Variants in PRKCA observed in about 807,000 individuals in gnomAD.
PRKCA encodes protein kinase C alpha, also known as protein kinase C alpha type.
In PRKCA, 27 loss-of-function variants were observed where a neutral mutation model predicts 87.0. That is an observed-to-expected ratio of 0.31 (90% CI 0.23 to 0.43). The LOEUF is 0.43. Among genes scored for constraint, PRKCA ranks in the 20% least tolerant of loss-of-function variants. The pLI is 1.00. For missense variants in PRKCA, 518 were observed against 852.3 expected, an observed-to-expected ratio of 0.61 and a Z score of 4.88; for synonymous variants, 329 against 311.1, an observed-to-expected ratio of 1.06 and a Z score of -0.61.
intron 3 of PRKCA, among the ~76,000 whole-genome samples, chr17:66,603,386 C>T (rs9894671): frequency 3.3e-5 from 5 of 152,142 alleles, no homozygotes; most frequent in Admixed American, 2.0e-4. Context: ...AAATAAATCT[C>T]ATTTGTGTTT....
intron 2 of PRKCA, among the ~76,000 whole-genome samples, chr17:66,429,997 CTTCA>C (rs890320847): frequency 3.3e-5 from 5 of 152,044 alleles, no homozygotes; most frequent in African/African-American, 1.2e-4. Flanking sequence ...TCTCTGCACC[CTTCA>C]AGGACTCCTG....
At chr17:66,519,613 C>A (rs11653643) in intron 3 of PRKCA, among the ~76,000 whole-genome samples, 53,542 of 152,006 alleles carry the variant, frequency 0.35, 9,591 homozygotes, top group South Asian at 0.52. Flanking sequence ...GATGATGATA[C>A]AGGATCTTGA....
At chr17:66,564,601 A>G (rs1968828979) in intron 3 of PRKCA, among the ~76,000 whole-genome samples, 1 of 152,180 alleles carries the variant, frequency 6.6e-6, no homozygotes, top group Non-Finnish European at 1.5e-5. Context: ...AACAAAACCC[A>G]TGACTTTGTG....
intron 2 of PRKCA, among the ~76,000 whole-genome samples, chr17:66,400,063 A>G (rs1465347576): frequency 6.6e-6 from 1 of 152,188 alleles, no homozygotes; most frequent in Non-Finnish European, 1.5e-5. Flanking sequence ...CTTCAACATC[A>G]TTCTATTTTT....
intron 2 of PRKCA, among the ~76,000 whole-genome samples, chr17:66,382,840 C>A (rs989781984): frequency 2.6e-5 from 4 of 151,966 alleles, no homozygotes; most frequent in South Asian, 2.1e-4. Context: ...TGGACAGACA[C>A]CCCCCCATTA....
chr17:66,742,008 C>A (rs1487049235), intron 12 of PRKCA, among the ~76,000 whole-genome samples: 1 of 152,120 alleles, frequency 6.6e-6, no homozygotes, highest in Non-Finnish European at 1.5e-5. Flanking sequence ...GAATGGAGGT[C>A]AGGGAGCAAT....
At chr17:66,754,455 C>T (rs1974505524) in intron 13 of PRKCA, among the ~76,000 whole-genome samples, 1 of 152,156 alleles carries the variant, frequency 6.6e-6, no homozygotes, top group African/African-American at 2.4e-5. Flanking sequence ...CTGGTCACCT[C>T]ACTTGAGCTT....
In PRKCA at chr17:66,810,598, C is replaced by T. The variant is rs8464; in HGVS notation, c.*6561C>T. 2 of 151,988 alleles carry T rather than the reference C, an allele frequency of 1.3e-5. No homozygotes were observed. Among genetic ancestry groups the T allele is most frequent in the Admixed American group, 6.6e-5 (1 of 15,256 alleles). 9.4% of individuals were successfully genotyped at this position (151,988 alleles called of 1,614,324 possible). ...ACCGTCAAACACCATTTGGTTATAT[C>T]GCAGAGGAGACGGATGTGTAAATTA... On this transcript the variant is annotated 3_prime_UTR_variant, in exon 17 of 17. Transcript: ENST00000413366.
chr17:66,694,752 C>T (rs1972874791), intron 8 of PRKCA, among the ~76,000 whole-genome samples: 1 of 124,596 alleles, frequency 8.0e-6, no homozygotes, highest in South Asian at 2.7e-4. Flanking sequence ...ATGCTACATT[C>T]ACATTTCCAA....
intron 2 of PRKCA, among the ~76,000 whole-genome samples, chr17:66,399,935 G>A (rs1055261094): frequency 1.3e-5 from 2 of 152,104 alleles, no homozygotes; most frequent in African/African-American, 4.8e-5. Flanking sequence ...TCCAGGTTGA[G>A]CATCCCTAAT....
intron 2 of PRKCA, among the ~76,000 whole-genome samples, chr17:66,363,153 C>T (rs1005609413): frequency 1.3e-5 from 2 of 152,332 alleles, no homozygotes; most frequent in Admixed American, 6.5e-5. Flanking sequence ...GTTTTGCTTT[C>T]ACAGGTATGT....
intron 3 of PRKCA, among the ~76,000 whole-genome samples, chr17:66,593,060 G>A (rs964615079): frequency 6.6e-6 from 1 of 152,184 alleles, no homozygotes; most frequent in Non-Finnish European, 1.5e-5. Flanking sequence ...AAAGTGCTGG[G>A]ATTATAGGCA....
chr17:66,419,002 G>A (rs756069766), intron 2 of PRKCA, among the ~76,000 whole-genome samples: 7 of 150,732 alleles, frequency 4.6e-5, no homozygotes, highest in South Asian at 2.1e-4. Flanking sequence ...CCTCGTGATC[G>A]CCCACCTCAG....
At chr17:66,353,999 C>T (rs923983315) in intron 2 of PRKCA, among the ~76,000 whole-genome samples, 6 of 152,138 alleles carry the variant, frequency 3.9e-5, no homozygotes, top group African/African-American at 1.2e-4. Context: ...GGATCACCAT[C>T]GCACACGTCA....
At chr17:66,504,598 AG>A (rs1916886915) in intron 3 of PRKCA, among the ~76,000 whole-genome samples, 1 of 151,856 alleles carries the variant, frequency 6.6e-6, no homozygotes, top group Non-Finnish European at 1.5e-5. Flanking sequence ...GCCTCAAAAA[AG>A]AAAAAAAAAA....
intron 3 of PRKCA, among the ~76,000 whole-genome samples, chr17:66,629,888 C>T (rs763685729): frequency 3.3e-5 from 5 of 152,092 alleles, no homozygotes; most frequent in Non-Finnish European, 5.9e-5. Context: ...ATGTGAAATC[C>T]TTATACAGTC....
chr17:66,588,906 G>A (rs922853696), intron 3 of PRKCA, among the ~76,000 whole-genome samples: 1 of 151,984 alleles, frequency 6.6e-6, no homozygotes, highest in Non-Finnish European at 1.5e-5. Context: ...CTCCCAAAGT[G>A]CTAGGATTAC....
At chr17:66,632,058 C>G (rs1176636968) in intron 3 of PRKCA, among the ~76,000 whole-genome samples, 2 of 152,076 alleles carry the variant, frequency 1.3e-5, no homozygotes, top group Non-Finnish European at 2.9e-5. Context: ...GAGAAACTGC[C>G]AACAAAGCCC....
intron 2 of PRKCA, among the ~76,000 whole-genome samples, chr17:66,463,243 G>A (rs925698328): frequency 2.0e-5 from 3 of 152,130 alleles, no homozygotes; most frequent in South Asian, 2.1e-4. Context: ...CTCTGAAACC[G>A]TAAGAAAAGA....
Sources: gnomAD v4.1 joint callset for allele counts (sites outside exome capture counted in the v4.1 genomes callset) on GRCh38, gnomAD v4.1.1 for gene constraint, MANE v1.5 for transcripts, NCBI Gene and HGNC (gene_info 2026-07-23, HGNC 2026-07-21) for gene names.